The following QTGAL variants were observed in gnomAD, a reference collection of about 807,000 sequenced individuals.
The protein encoded by QTGAL is BGnT-like protein 1.
the QTGAL span, chr17:82,948,979 A>G: frequency 6.6e-6 from 1 of 152,254 alleles, no homozygotes; most frequent in Admixed American, 6.5e-5. Context: ...AAAATATCAA[A>G]TGGCAGGAAA....
chr17:82,979,439 A>ACAGT, the QTGAL span: 43 of 152,366 alleles, frequency 2.8e-4, no homozygotes, highest in East Asian at 7.5e-3. Context: ...TAGAGTCTGA[A>ACAGT]CAGTCCTGTA....
chr17:83,013,365 G>A, the QTGAL span, among the ~76,000 whole-genome samples: 3 of 57,704 alleles, frequency 5.2e-5, no homozygotes, highest in African/African-American at 1.4e-4. Context: ...CACCCCCAGC[G>A]CACCAGCCCT....
the QTGAL span, among the ~76,000 whole-genome samples, chr17:83,012,971 C>T: frequency 1.2e-4 from 18 of 152,270 alleles, no homozygotes; most frequent in Non-Finnish European, 1.6e-4. Context: ...CCAGGCAGTC[C>T]ATGCCTGTAA....
chr17:82,991,352 C>T, the QTGAL span, among the ~76,000 whole-genome samples: 1 of 152,114 alleles, frequency 6.6e-6, no homozygotes, highest in Admixed American at 6.5e-5. Flanking sequence ...GGGCAGTTTC[C>T]CCCATACTGT....
At chr17:83,013,147 GCT>G in the QTGAL span, among the ~76,000 whole-genome samples, 4 of 152,122 alleles carry the variant, frequency 2.6e-5, no homozygotes, top group African/African-American at 9.7e-5. Context: ...AAGCCACAGA[GCT>G]CTCTCCTGCC....
the QTGAL span, among the ~76,000 whole-genome samples, chr17:82,972,995 C>T: frequency 6.6e-6 from 1 of 152,192 alleles, no homozygotes; most frequent in African/African-American, 2.4e-5. Flanking sequence ...GGAACGCTTC[C>T]CCGAAGGAGG....
the QTGAL span, among the ~76,000 whole-genome samples, chr17:83,031,238 C>T: frequency 3.3e-5 from 5 of 152,338 alleles, no homozygotes; most frequent in Admixed American, 6.5e-5. Context: ...GTAAACTCAG[C>T]GACGGCCGCC....
the QTGAL span, among the ~76,000 whole-genome samples, chr17:83,016,134 T>C: frequency 1.3e-5 from 2 of 152,164 alleles, no homozygotes; most frequent in Admixed American, 1.3e-4. Context: ...TGGATATTTA[T>C]GTTTTGTGCA....
chr17:82,995,085 T>C, the QTGAL span, among the ~76,000 whole-genome samples: 29 of 152,138 alleles, frequency 1.9e-4, no homozygotes, highest in African/African-American at 5.8e-4. Flanking sequence ...TAGTATCATA[T>C]TGAATGAAGA....
chr17:82,998,844 G>C, the QTGAL span, among the ~76,000 whole-genome samples: 6 of 151,936 alleles, frequency 3.9e-5, no homozygotes, highest in Non-Finnish European at 8.8e-5. Context: ...CTTTACCAAA[G>C]AAGATACACG....
chr17:82,953,365 A>G, the QTGAL span, among the ~76,000 whole-genome samples: 1 of 152,244 alleles, frequency 6.6e-6, no homozygotes, highest in Non-Finnish European at 1.5e-5. Context: ...ACAAGCTACC[A>G]TCAGAGAATA....
the QTGAL span, among the ~76,000 whole-genome samples, chr17:83,028,328 T>G: frequency 4.0e-5 from 6 of 149,524 alleles, no homozygotes; most frequent in African/African-American, 1.5e-4. Context: ...ATCGAGACCA[T>G]CCTGGCTAAC....
chr17:83,041,727 G>A, the QTGAL span, among the ~76,000 whole-genome samples: 2 of 152,214 alleles, frequency 1.3e-5, no homozygotes, highest in East Asian at 3.8e-4. Context: ...CAGAACCATG[G>A]TTTCTACTGA....
At chr17:82,999,421 C>T in the QTGAL span, among the ~76,000 whole-genome samples, 3 of 152,210 alleles carry the variant, frequency 2.0e-5, no homozygotes, top group Non-Finnish European at 4.4e-5. Flanking sequence ...ACACAGCTGA[C>T]CCCTGAACAA....
At chr17:83,024,510 T>A in the QTGAL span, among the ~76,000 whole-genome samples, 1 of 152,108 alleles carries the variant, frequency 6.6e-6, no homozygotes, top group Non-Finnish European at 1.5e-5. Context: ...GGGTTGCGTG[T>A]GGGGCCTCAG....
chr17:83,000,230 G>A, the QTGAL span, among the ~76,000 whole-genome samples: 1 of 151,782 alleles, frequency 6.6e-6, no homozygotes. Context: ...GAAAGCGCTG[G>A]GATTACAGGC....
At chr17:83,023,895 C>T in the QTGAL span, among the ~76,000 whole-genome samples, 2 of 152,220 alleles carry the variant, frequency 1.3e-5, no homozygotes, top group Admixed American at 6.5e-5. Context: ...TGTGTCATCA[C>T]AAAGGAGGTT....
chr17:82,970,536 C>CGACCTCCCCACCCAGCGTGGATGT, the QTGAL span, among the ~76,000 whole-genome samples: 47 of 101,592 alleles, frequency 4.6e-4, 5 homozygotes, highest in Admixed American at 2.1e-3. Context: ...AGCGTGGCCG[C>CGACCTCCCCACCCAGCGTGGATGT]GACCTCCGCA....
chr17:83,038,513 G>C, the QTGAL span, among the ~76,000 whole-genome samples: 1 of 152,234 alleles, frequency 6.6e-6, no homozygotes, highest in East Asian at 1.9e-4. Flanking sequence ...CTTTAAATTT[G>C]TTTTCATCCA....
Sources: allele counts gnomAD v4.1 joint callset (sites outside exome capture counted in the v4.1 genomes callset), GRCh38; gene constraint gnomAD v4.1.1; transcripts MANE v1.5; gene names NCBI Gene and HGNC (gene_info 2026-07-23, HGNC 2026-07-21).